PPIP5K2: variants seen among roughly 807,000 people sequenced by gnomAD.
The protein encoded by PPIP5K2 is diphosphoinositol pentakisphosphate kinase 2.
PPIP5K2 carries 105 observed loss-of-function variants against 154.6 expected under a neutral mutation model. That is an observed-to-expected ratio of 0.68 (90% CI 0.58 to 0.80). PPIP5K2 has a LOEUF of 0.80. PPIP5K2 is among the 30% of genes least tolerant of loss of function. The probability of loss-of-function intolerance (pLI) is 0.00; values close to 1 mark genes in which losing one functional copy is unlikely to be tolerated. For synonymous variants in PPIP5K2, 480 were observed against 490.3 expected (o/e 0.98, Z 0.28); for missense variants, 992 against 1,504.6 (o/e 0.66, Z 5.64).
rs1359627217 is a variant in PPIP5K2, at chr5:103,129,548, A to T, written c.-42A>T. 1 of 1,484,752 alleles carries T rather than the reference A, an allele frequency of 6.7e-7. No homozygotes were observed. The highest frequency in any genetic ancestry group is 1.4e-5 in the African/African-American group (1 of 69,582). 92.0% of individuals were successfully genotyped at this position (1,484,752 alleles called of 1,614,324 possible). ...TACTATTTACTTAGAGGCAGTTTTA[A>T]TATAAATCATTTCAATTATATCTAC... On this transcript the variant is annotated 5_prime_UTR_variant, in exon 2 of 31. Coordinates refer to ENST00000358359, the MANE Select transcript of PPIP5K2 (RefSeq NM_001276277.3).
At chr5:103,170,720 C>A (rs1797849802) in intron 19 of PPIP5K2, among the ~76,000 whole-genome samples, 1 of 150,626 alleles carries the variant, frequency 6.6e-6, no homozygotes, top group Non-Finnish European at 1.5e-5. Flanking sequence ...TTACTTTAGG[C>A]CTCATAAATA....
At chr5:103,196,961 G>T (rs1554228724) in intron 30 of PPIP5K2, among the ~76,000 whole-genome samples, 2 of 152,024 alleles carry the variant, frequency 1.3e-5, no homozygotes, top group African/African-American at 4.8e-5. Flanking sequence ...AGAATATCAT[G>T]ATAGAGTAAT....
chr5:103,138,277 C>T, intron 4 of PPIP5K2, 107 bp from the exon 5 acceptor site: 1 of 523,338 alleles, frequency 1.9e-6, no homozygotes, highest in Non-Finnish European at 3.2e-6. Context: ...AGATATATAC[C>T]CTTTTTAGTT....
In PPIP5K2 at chr5:103,212,168, G is replaced by T. The variant is rs1803841035; in HGVS notation, c.*10534G>T. On this transcript the variant is annotated 3_prime_UTR_variant, in exon 31 of 31. Coordinates refer to ENST00000358359, the MANE Select transcript of PPIP5K2 (RefSeq NM_001276277.3). ...TTCACAAAGGAGGGAGCAGGAAAGG[G>T]TTTCTCTTGACTGGACCACAAATAT... The T allele has an allele frequency of 6.6e-6, 1 of 152,020 alleles. No homozygotes were observed. The highest frequency in any genetic ancestry group is 1.5e-5 in the Non-Finnish European group (1 of 67,976). 9.4% of individuals were successfully genotyped at this position (152,020 alleles called of 1,614,324 possible). A position where few individuals can be genotyped will look rare whatever the true frequency, so the allele number is the denominator to read the frequency against.
At chr5:103,125,085 T>C (rs890763848) in intron 1 of PPIP5K2, among the ~76,000 whole-genome samples, 1 of 152,214 alleles carries the variant, frequency 6.6e-6, no homozygotes, top group East Asian at 1.9e-4. Context: ...AAAATTCTGC[T>C]TCATCGGTTT....
At chr5:103,199,900 T>G (rs1193320301) in intron 30 of PPIP5K2, among the ~76,000 whole-genome samples, 1 of 152,208 alleles carries the variant, frequency 6.6e-6, no homozygotes, top group Non-Finnish European at 1.5e-5. Flanking sequence ...TTAAAATTCT[T>G]GTCTGTTAAT....
At chr5:103,133,396 C>T in intron 2 of PPIP5K2, 57 bp from the exon 3 acceptor site, 1 of 1,443,796 alleles carries the variant, frequency 6.9e-7, no homozygotes. Flanking sequence ...ATGAAGATAG[C>T]TGTACTTTGG....
intron 1 of PPIP5K2, among the ~76,000 whole-genome samples, chr5:103,127,980 A>C (rs1789999112): frequency 6.6e-6 from 1 of 152,114 alleles, no homozygotes; most frequent in Non-Finnish European, 1.5e-5. Context: ...CATGTTAAAC[A>C]GTACAGAGGA....
chr5:103,192,876 G>A (rs1380525958), intron 29 of PPIP5K2, among the ~76,000 whole-genome samples: 4 of 152,126 alleles, frequency 2.6e-5, no homozygotes, highest in Non-Finnish European at 5.9e-5. Context: ...AACAGAACTA[G>A]ATGAGAAAGT....
chr5:103,140,989 G>A (rs1554206431), intron 5 of PPIP5K2, among the ~76,000 whole-genome samples: 12 of 152,074 alleles, frequency 7.9e-5, no homozygotes, highest in Non-Finnish European at 2.9e-5. Flanking sequence ...ATCTTTTACA[G>A]GAAATGCTAA....
intron 1 of PPIP5K2, among the ~76,000 whole-genome samples, chr5:103,124,577 T>G (rs1274718903): frequency 6.6e-6 from 1 of 152,170 alleles, no homozygotes; most frequent in Non-Finnish European, 1.5e-5. Context: ...TCTACATACA[T>G]AAAACATTTA....
chr5:103,185,704 G>T (rs1202253727), intron 26 of PPIP5K2, among the ~76,000 whole-genome samples: 1 of 151,966 alleles, frequency 6.6e-6, no homozygotes, highest in Non-Finnish European at 1.5e-5. Context: ...TTTTCATTGG[G>T]AGTCTTATTA....
chr5:103,172,921 C>T (rs1378032409), intron 19 of PPIP5K2, among the ~76,000 whole-genome samples: 7 of 151,902 alleles, frequency 4.6e-5, no homozygotes, highest in South Asian at 4.2e-4. Flanking sequence ...ATTCATTCTC[C>T]GCCTTCAGAA....
At chr5:103,138,342 A>T (rs1554205153) in intron 4 of PPIP5K2, 42 bp from the exon 5 acceptor site, 2 of 1,202,676 alleles carry the variant, frequency 1.7e-6, no homozygotes, top group African/African-American at 1.5e-5. Flanking sequence ...TCATTGTGAA[A>T]TGGAGCAATA....
intron 18 of PPIP5K2, 87 bp from the exon 19 acceptor site, chr5:103,167,985 T>C: frequency 2.3e-6 from 2 of 853,550 alleles, no homozygotes; most frequent in Non-Finnish European, 3.6e-6. Context: ...TTTGACACTT[T>C]AAAAAGTTTC....
At chr5:103,173,793 T>C in intron 20 of PPIP5K2, 65 bp from the exon 21 acceptor site, 3 of 1,053,866 alleles carry the variant, frequency 2.8e-6, no homozygotes, top group Non-Finnish European at 4.3e-6. Context: ...TAGAAAATAA[T>C]TTCAATATTT....
chr5:103,132,459 T>C (rs1790786943), intron 2 of PPIP5K2, among the ~76,000 whole-genome samples: 1 of 152,046 alleles, frequency 6.6e-6, no homozygotes, highest in African/African-American at 2.4e-5. Flanking sequence ...GGCAGGAGAA[T>C]TGCTTGAACC....
intron 17 of PPIP5K2, among the ~76,000 whole-genome samples, chr5:103,161,023 T>A (rs1796137087): frequency 6.6e-6 from 1 of 151,856 alleles, no homozygotes. Flanking sequence ...ATTTGTTACA[T>A]ATGTATACAT....
chr5:103,154,757 T>C lies in PPIP5K2; in HGVS notation c.1293+12T>C, dbSNP rs1241373311. The C allele has an allele frequency of 6.4e-7, 1 of 1,565,634 alleles. No homozygotes were observed. Among genetic ancestry groups the C allele is most frequent in the Non-Finnish European group, 8.6e-7 (1 of 1,158,150 alleles). On this transcript the variant is annotated intron_variant, in intron 12 of 30. Transcript: ENST00000358359. ...CAAAACAGTTACAGGCAAGTGTATT[T>C]GCTTTCTTGTTTAATTTTAAATTTT...
Sources: gnomAD v4.1 joint callset for allele counts (sites outside exome capture counted in the v4.1 genomes callset) on GRCh38, gnomAD v4.1.1 for gene constraint, MANE v1.5 for transcripts, NCBI Gene and HGNC (gene_info 2026-07-23, HGNC 2026-07-21) for gene names.